The following KCNMA1 variants were observed in gnomAD, a reference collection of about 807,000 sequenced individuals.
KCNMA1 encodes the protein Calcium-activated potassium channel subunit alpha-1.
KCNMA1 carries 29 observed loss-of-function variants against 140.0 expected under a neutral mutation model. The ratio of observed to expected loss-of-function variants is 0.21; its 90% CI spans 0.15 to 0.28. The LOEUF is 0.28. KCNMA1 is among the 10% of genes least tolerant of loss of function. The probability of loss-of-function intolerance (pLI) is 1.00; values close to 1 mark genes in which losing one functional copy is unlikely to be tolerated. For synonymous variants in KCNMA1, 612 were observed against 611.9 expected, an observed-to-expected ratio of 1.00 and a Z score of 0.00; for missense variants, 880 against 1,602.2, an observed-to-expected ratio of 0.55 and a Z score of 7.70.
chr10:77,290,631 T>C (rs2072888006), intron 2 of KCNMA1, among the ~76,000 whole-genome samples: 1 of 152,168 alleles, frequency 6.6e-6, no homozygotes, highest in South Asian at 2.1e-4. Flanking sequence ...TAGAGCAAGT[T>C]TGTCCCTCAA....
chr10:77,598,253 G>A (rs1291661369), intron 1 of KCNMA1, among the ~76,000 whole-genome samples: 1 of 152,170 alleles, frequency 6.6e-6, no homozygotes, highest in African/African-American at 2.4e-5. Context: ...TTACAGGCAT[G>A]AGCCACTGCA....
At chr10:77,513,284 T>C (rs1490696191) in intron 1 of KCNMA1, among the ~76,000 whole-genome samples, 1 of 152,218 alleles carries the variant, frequency 6.6e-6, no homozygotes, top group Non-Finnish European at 1.5e-5. Flanking sequence ...CCTGGCTGGC[T>C]TCCTCTGAGT....
intron 2 of KCNMA1, 55 bp downstream of exon 2, chr10:77,403,807 C>T: frequency 2.6e-6 from 4 of 1,555,418 alleles, no homozygotes; most frequent in Non-Finnish European, 2.6e-6. Context: ...ATAAGCAAAG[C>T]CACCTTGGCC....
At chr10:77,445,244 G>A (rs2097502366) in intron 1 of KCNMA1, among the ~76,000 whole-genome samples, 2 of 152,116 alleles carry the variant, frequency 1.3e-5, no homozygotes, top group Non-Finnish European at 2.9e-5. Context: ...CTGGCATGCA[G>A]AGCTGAGGCA....
At chr10:77,506,332 C>T (rs192151648) in intron 1 of KCNMA1, among the ~76,000 whole-genome samples, 12 of 152,214 alleles carry the variant, frequency 7.9e-5, no homozygotes, top group Admixed American at 7.2e-4. Flanking sequence ...AAGGGAGCCC[C>T]CCTACTCTGG....
intron 2 of KCNMA1, among the ~76,000 whole-genome samples, chr10:77,340,725 G>A (rs1170986354): frequency 6.6e-6 from 1 of 151,830 alleles, no homozygotes; most frequent in Admixed American, 6.6e-5. Flanking sequence ...GTCGGGGGGA[G>A]GGGGCAGGGA....
chr10:77,608,327 C>CA (rs1461183521), intron 1 of KCNMA1, among the ~76,000 whole-genome samples: 9 of 152,148 alleles, frequency 5.9e-5, no homozygotes, highest in African/African-American at 2.2e-4. Context: ...GATGTGCCAC[C>CA]ACGCCTGGCT....
chr10:77,421,208 TC>T (rs2096859735), intron 1 of KCNMA1, among the ~76,000 whole-genome samples: 2 of 152,226 alleles, frequency 1.3e-5, no homozygotes. Flanking sequence ...GTCCTAGGTT[TC>T]CTTTTCCTGT....
chr10:76,921,732 C>T (rs113610189), intron 23 of KCNMA1, among the ~76,000 whole-genome samples: 159 of 152,272 alleles, frequency 1.0e-3, no homozygotes, highest in Non-Finnish European at 1.9e-3. Flanking sequence ...AGCACAATTG[C>T]TTTCTAACTT....
intron 18 of KCNMA1, among the ~76,000 whole-genome samples, chr10:77,004,213 C>CCACA (rs35789536): frequency 0.14 from 19,646 of 144,342 alleles, 1,362 homozygotes; most frequent in Non-Finnish European, 0.17. Flanking sequence ...ACAAGTGCCA[C>CCACA]CACACACACA....
intron 11 of KCNMA1, 101 bp from the exon 12 acceptor site, chr10:77,084,820 AG>A: frequency 3.7e-6 from 3 of 809,462 alleles, no homozygotes; most frequent in South Asian, 1.5e-5. Flanking sequence ...AGCTTTGCAA[AG>A]AAAAAAAAAA....
At chr10:77,465,993 G>C (rs983832114) in intron 1 of KCNMA1, among the ~76,000 whole-genome samples, 7 of 152,186 alleles carry the variant, frequency 4.6e-5, no homozygotes, top group Admixed American at 3.3e-4. Flanking sequence ...TCCCAAGAAA[G>C]TGTTCCTGGC....
intron 1 of KCNMA1, among the ~76,000 whole-genome samples, chr10:77,603,521 A>G (rs1444153663): frequency 6.6e-6 from 1 of 152,154 alleles, no homozygotes; most frequent in African/African-American, 2.4e-5. Flanking sequence ...ATAAGCAGGG[A>G]AGGAGAGGGA....
chr10:77,227,685 G>T (rs1028287989), intron 3 of KCNMA1, among the ~76,000 whole-genome samples: 1 of 152,170 alleles, frequency 6.6e-6, no homozygotes, highest in Non-Finnish European at 1.5e-5. Flanking sequence ...TTTTGCCCAA[G>T]CCAAATGCAG....
chr10:76,886,977 A>G lies in KCNMA1; in HGVS notation c.*289T>C. On this transcript the variant is annotated 3_prime_UTR_variant, in exon 28 of 28. Coordinates refer to ENST00000286628, the MANE Select transcript of KCNMA1 (RefSeq NM_001161352.2). ...ACAAGTGCTCCCTTCTAATCTGTGA[A>G]CTCGTTCCTGCAGTGAGCTATTTAT... 1 of 1,252,910 alleles carries G rather than the reference A, an allele frequency of 8.0e-7. No homozygotes were observed. The highest frequency in any genetic ancestry group is 1.0e-6 in the Non-Finnish European group (1 of 984,992). The allele number at this position is 1,252,910 out of a possible 1,614,324, so 77.6% of individuals were successfully genotyped here. A position where few individuals can be genotyped will look rare whatever the true frequency, so the allele number is the denominator to read the frequency against.
chr10:77,615,940 T>C (rs1164058675), intron 1 of KCNMA1, among the ~76,000 whole-genome samples: 7 of 152,188 alleles, frequency 4.6e-5, no homozygotes, highest in Admixed American at 3.3e-4. Flanking sequence ...ACTTACAAGA[T>C]GCTAAATGCT....
At chr10:77,098,253 C>A (rs2096988773) in intron 9 of KCNMA1, among the ~76,000 whole-genome samples, 1 of 152,166 alleles carries the variant, frequency 6.6e-6, no homozygotes, top group Admixed American at 6.5e-5. Flanking sequence ...CCTGCATACA[C>A]CCTCTCTTCT....
chr10:77,069,800 G>T (rs1169938012), intron 14 of KCNMA1, among the ~76,000 whole-genome samples: 3 of 152,100 alleles, frequency 2.0e-5, no homozygotes, highest in African/African-American at 7.2e-5. Flanking sequence ...CTGTATGCCA[G>T]TAGTCCCTCT....
chr10:77,382,366 C>T (rs1304963387), intron 2 of KCNMA1, among the ~76,000 whole-genome samples: 1 of 152,140 alleles, frequency 6.6e-6, no homozygotes. Context: ...ATCATTATTC[C>T]CATTTTACAG....
Sources: gnomAD v4.1 joint callset for allele counts (sites outside exome capture counted in the v4.1 genomes callset) on GRCh38, gnomAD v4.1.1 for gene constraint, MANE v1.5 for transcripts, NCBI Gene and HGNC (gene_info 2026-07-23, HGNC 2026-07-21) for gene names.